Variants in GFPT1 observed in about 807,000 individuals in gnomAD.
The protein encoded by GFPT1 is glutamine--fructose-6-phosphate aminotransferase [isomerizing] 1.
Under a neutral mutation model 92.0 loss-of-function variants are expected in GFPT1, and 40 were observed. The ratio of observed to expected loss-of-function variants is 0.43; its 90% CI spans 0.34 to 0.57. GFPT1 has a LOEUF of 0.57. Ranked by LOEUF, GFPT1 falls within the 20% of genes least tolerant of loss-of-function variation. The probability of loss-of-function intolerance (pLI) is 0.02; values close to 1 mark genes in which losing one functional copy is unlikely to be tolerated. For missense variants in GFPT1, 448 were observed against 869.1 expected (o/e 0.52, Z 6.09); for synonymous variants, 269 against 280.6 (o/e 0.96, Z 0.41).
At chr2:69,377,168 A>C (rs1222071822) in intron 1 of GFPT1, among the ~76,000 whole-genome samples, 1 of 142,094 alleles carries the variant, frequency 7.0e-6, no homozygotes, top group Non-Finnish European at 1.5e-5. Flanking sequence ...AGATCGTGCC[A>C]CTGCACTCTA....
Position 69,376,897 on chromosome 2 carries a change from A to G in GFPT1, c.8-2784T>C, listed in dbSNP as rs1291058263. 2.0e-5 allele frequency among the ~76,000 whole-genome samples: 3 copies of G among 152,322 alleles called. No homozygotes were observed. The East Asian group carries it at 5.8e-4, about 29-fold the overall frequency. The stretch of plus-strand genomic sequence containing the variant: ...TATAAAATTGTTTTTAAGACAATTT[A>G]TAGACTCTACTTTTTTTTAAAGATT... On this transcript the variant is annotated intron_variant, in intron 1 of 19. Transcript: ENST00000357308.
rs2104595631 is a variant in GFPT1 at position 69,327,073 on chromosome 2, C to T, written c.1896G>A (p.Gly632=). The T allele has an allele frequency of 6.2e-7, 1 of 1,613,894 alleles. No homozygotes were observed. Among genetic ancestry groups the T allele is most frequent in the East Asian group, 2.2e-5 (1 of 44,874 alleles). The change falls in exon 19 of 20, where the codon GGG becomes GGA. Residue 632 remains glycine, a splice_region_variant and synonymous_variant. Transcript: ENST00000357308. The part of the protein sequence containing the change: ...NALQQVVARQ[G]RPVVICDKED... ...CCTTATCACAAATTACCACAGGCCGCCCCTAGGAAAGAAAATCACACACAT... is the reference window on the plus strand; with the variant it reads ...CCTTATCACAAATTACCACAGGCCGTCCCTAGGAAAGAAAATCACACACAT...
At chr2:69,354,418 A>G in intron 8 of GFPT1, 71 bp downstream of exon 8, 2 of 1,280,218 alleles carry the variant, frequency 1.6e-6, no homozygotes, top group Non-Finnish European at 1.1e-6. Context: ...CTGACCAAAG[A>G]GCCATCTATT....
At chr2:69,381,864 T>TA (rs1672019659) in intron 1 of GFPT1, among the ~76,000 whole-genome samples, 1 of 19,522 alleles carries the variant, frequency 5.1e-5, no homozygotes, top group South Asian at 1.4e-3. Flanking sequence ...CTTATAACTC[T>TA]TTTTTTTTTT....
chr2:69,354,246 G>A lies in GFPT1; in HGVS notation c.739+13C>T, dbSNP rs762766185. 2 of 1,560,450 alleles carry A rather than the reference G, an allele frequency of 1.3e-6. No individual in the cohort carries two copies. Among genetic ancestry groups the A allele is most frequent in the Non-Finnish European group, 1.7e-6 (2 of 1,149,892 alleles). ...ATAAGATCCTCCCCATCCATGCAGA[G>A]TGCATTTCCCACCTCTTTCTCCCTG... is the stretch of plus-strand genomic sequence containing the variant. On this transcript the variant is annotated intron_variant, in intron 9 of 19. Coordinates refer to ENST00000357308, the MANE Select transcript of GFPT1 (RefSeq NM_001244710.2).
At chr2:69,332,945 T>C (rs549128611) in intron 15 of GFPT1, among the ~76,000 whole-genome samples, 33 of 152,252 alleles carry the variant, frequency 2.2e-4, no homozygotes, top group African/African-American at 7.2e-4. Flanking sequence ...TAAATGAGAC[T>C]CCCTGTTTCC....
chr2:69,377,704 AGAAG>A (rs1480867796), intron 1 of GFPT1, among the ~76,000 whole-genome samples: 2 of 152,132 alleles, frequency 1.3e-5, no homozygotes, highest in African/African-American at 4.8e-5. Flanking sequence ...CAGAGCTAGA[AGAAG>A]GAAGGGGATT....
At chr2:69,358,947 T>C (rs185638000) in intron 5 of GFPT1, among the ~76,000 whole-genome samples, 46 of 152,380 alleles carry the variant, frequency 3.0e-4, no homozygotes, top group African/African-American at 9.6e-4. Flanking sequence ...TGATTCTTCT[T>C]GTATTAATAT....
intron 15 of GFPT1, among the ~76,000 whole-genome samples, 192 bp downstream of exon 15, chr2:69,337,701 TTTATC>T (rs1439992521): frequency 2.0e-5 from 3 of 152,204 alleles, no homozygotes; most frequent in Admixed American, 2.0e-4. Flanking sequence ...TGACAAGTCT[TTTATC>T]TATCTGACCC....
chr2:69,350,905 CAAA>C (rs796406578), intron 9 of GFPT1, among the ~76,000 whole-genome samples: 4 of 78,352 alleles, frequency 5.1e-5, no homozygotes, highest in Non-Finnish European at 7.8e-5. Flanking sequence ...AACTCTGTCT[CAAA>C]AAAAAAAAAA....
At chr2:69,369,380 TTCAA>T (rs1354776304) in intron 3 of GFPT1, among the ~76,000 whole-genome samples, 1 of 152,192 alleles carries the variant, frequency 6.6e-6, no homozygotes, top group Non-Finnish European at 1.5e-5. Flanking sequence ...AAAATATTTT[TTCAA>T]TCAATCTACT....
At chr2:69,375,186 A>C (rs1380067555) in intron 1 of GFPT1, among the ~76,000 whole-genome samples, 1 of 152,232 alleles carries the variant, frequency 6.6e-6, no homozygotes, top group African/African-American at 2.4e-5. Flanking sequence ...ACACAGCTTT[A>C]ATGTATCAAA....
intron 12 of GFPT1, 115 bp downstream of exon 12, chr2:69,345,789 G>A: frequency 1.4e-6 from 1 of 700,040 alleles, no homozygotes; most frequent in Non-Finnish European, 2.6e-6. Flanking sequence ...TCCACTGATG[G>A]CTGGCAGCTG....
chr2:69,348,311 C>T lies in GFPT1; in HGVS notation c.869G>A (p.Arg290His). Reference protein sequence around the residue: ...DASAVIEHTNRVIFLEDDDVA... With the variant: ...DASAVIEHTNHVIFLEDDDVA... ...ATCATCATCTTCCAGAAAGATGACG[C>T]GATTGGTGTGTTCTATGACAGCACT... is the stretch of plus-strand genomic sequence containing the variant. The change falls in exon 11 of 20, where the codon CGC becomes CAC. Residue 290 changes from arginine to histidine, a missense_variant. Physicochemically the swap from Arg to His is conservative, Grantham distance 29. Transcript: ENST00000357308. The T allele has an allele frequency of 1.2e-6, 2 of 1,612,762 alleles. No individual in the cohort carries two copies. Among genetic ancestry groups the T allele is most frequent in the Non-Finnish European group, 8.5e-7 (1 of 1,178,818 alleles).
chr2:69,351,077 G>A (rs377719291), intron 9 of GFPT1, among the ~76,000 whole-genome samples: 13 of 151,996 alleles, frequency 8.6e-5, no homozygotes, highest in African/African-American at 1.2e-4. Flanking sequence ...CTCTAATCAC[G>A]GTATATCATA....
At chr2:69,372,581 A>G (rs2104685574) in intron 2 of GFPT1, among the ~76,000 whole-genome samples, 1 of 152,322 alleles carries the variant, frequency 6.6e-6, no homozygotes. Context: ...CAAAAAAAAA[A>G]AGAATCTTGA....
chr2:69,358,020 T>C (rs540569578), intron 6 of GFPT1, among the ~76,000 whole-genome samples: 1 of 152,332 alleles, frequency 6.6e-6, no homozygotes, highest in East Asian at 1.9e-4. Context: ...TCGTGTGTAC[T>C]GTGTACATGT....
At chr2:69,327,925 C>T (rs974839335) in intron 18 of GFPT1, among the ~76,000 whole-genome samples, 1 of 151,698 alleles carries the variant, frequency 6.6e-6, no homozygotes, top group African/African-American at 2.4e-5. Flanking sequence ...CAACATGAAA[C>T]CCCATCTCTA....
intron 4 of GFPT1, among the ~76,000 whole-genome samples, chr2:69,360,351 A>T (rs78771938): frequency 2.0e-5 from 3 of 151,134 alleles, no homozygotes; most frequent in South Asian, 2.1e-4. Flanking sequence ...AAAAAAAAAA[A>T]TCCTACCAAT....
Sources: allele counts gnomAD v4.1 joint callset (sites outside exome capture counted in the v4.1 genomes callset), GRCh38; gene constraint gnomAD v4.1.1; transcripts MANE v1.5; gene names NCBI Gene and HGNC (gene_info 2026-07-23, HGNC 2026-07-21).